LAMA2: variants seen among roughly 807,000 people sequenced by gnomAD.
The protein encoded by LAMA2 is laminin subunit alpha 2, also known as laminin subunit alpha-2.
A neutral mutation model predicts 364.8 loss-of-function variants in LAMA2; 269 were observed. The observed-to-expected ratio is 0.74, with a 90% CI of 0.67 to 0.82. The LOEUF (loss-of-function observed/expected upper bound fraction) is 0.82. LAMA2 is among the 40% of genes least tolerant of loss of function. The probability of loss-of-function intolerance (pLI) is 0.00; values close to 1 mark genes in which losing one functional copy is unlikely to be tolerated. For synonymous variants in LAMA2, 1,379 were observed against 1,370.6 expected, an observed-to-expected ratio of 1.01 and a Z score of -0.14; for missense variants, 3,807 against 3,873.2, an observed-to-expected ratio of 0.98 and a Z score of 0.45.
At chr6:128,913,416 A>G (rs1174143542) in intron 1 of LAMA2, among the ~76,000 whole-genome samples, 1 of 152,206 alleles carries the variant, frequency 6.6e-6, no homozygotes, top group Non-Finnish European at 1.5e-5. Context: ...GATCAGTTTC[A>G]CTAACTCCTC....
intron 4 of LAMA2, among the ~76,000 whole-genome samples, chr6:129,121,753 G>T (rs1380152011): frequency 1.3e-5 from 2 of 152,030 alleles, no homozygotes; most frequent in African/African-American, 4.8e-5. Context: ...GAAAAAGCTG[G>T]ATCTCAAAGA....
chr6:128,914,238 T>C (rs755241669), intron 1 of LAMA2, among the ~76,000 whole-genome samples: 27 of 152,324 alleles, frequency 1.8e-4, no homozygotes, highest in Middle Eastern at 3.4e-3. Flanking sequence ...TTCTGGGATG[T>C]CGTAACAATT....
At chr6:128,988,721 G>C (rs1260249227) in intron 1 of LAMA2, among the ~76,000 whole-genome samples, 1 of 152,076 alleles carries the variant, frequency 6.6e-6, no homozygotes, top group Non-Finnish European at 1.5e-5. Flanking sequence ...TTTATTTTCT[G>C]GGCTTGATGA....
intron 4 of LAMA2, among the ~76,000 whole-genome samples, chr6:129,102,261 T>C (rs1409878493): frequency 6.6e-6 from 1 of 151,694 alleles, no homozygotes; most frequent in Non-Finnish European, 1.5e-5. Flanking sequence ...CTCAGCCTCC[T>C]GAGTAGCTGG....
At chr6:129,156,886 A>G (rs1779146876) in intron 8 of LAMA2, among the ~76,000 whole-genome samples, 1 of 152,024 alleles carries the variant, frequency 6.6e-6, no homozygotes, top group Non-Finnish European at 1.5e-5. Context: ...CAGATATTGC[A>G]TTTTTAAAGC....
chr6:129,073,726 A>G (rs1773460390), intron 3 of LAMA2, among the ~76,000 whole-genome samples: 2 of 152,108 alleles, frequency 1.3e-5, no homozygotes, highest in African/African-American at 4.8e-5. Flanking sequence ...TCCATTTGAT[A>G]CTTTAAAAAA....
At chr6:129,073,599 TC>T (rs1773453366) in intron 3 of LAMA2, among the ~76,000 whole-genome samples, 1 of 152,236 alleles carries the variant, frequency 6.6e-6, no homozygotes, top group South Asian at 2.1e-4. Context: ...CTGTACATTT[TC>T]TGGGTGACCT....
At chr6:129,263,489 C>T (rs911026835) in intron 15 of LAMA2, among the ~76,000 whole-genome samples, 3 of 151,940 alleles carry the variant, frequency 2.0e-5, no homozygotes, top group South Asian at 4.1e-4. Flanking sequence ...AGAGGGACAA[C>T]GATGTAAAAC....
At position 129,103,613 on chromosome 6, in the gene LAMA2, C is replaced by CTA. The variant is rs201308510; in HGVS notation, c.639+5200_639+5201dup. 6.3e-3 allele frequency among the ~76,000 whole-genome samples: 952 copies of CTA among 152,136 alleles called. 9 individuals carry two copies. Among genetic ancestry groups the CTA allele is most frequent in the Middle Eastern group, 0.037 (11 of 294 alleles). ...GAGATATTTAGAGATATTTTATAGA[C>CTA]TATTATTCAGTTTGGGTTTGCCTGA... On this transcript the variant is annotated intron_variant, in intron 4 of 64. Coordinates refer to ENST00000421865, the MANE Select transcript of LAMA2 (RefSeq NM_000426.4).
chr6:129,169,147 C>A (rs1293072883), intron 9 of LAMA2, among the ~76,000 whole-genome samples: 10 of 150,868 alleles, frequency 6.6e-5, no homozygotes. Context: ...ATTGAATACC[C>A]TTTATTTCCT....
chr6:129,297,982 G>T, intron 21 of LAMA2, 117 bp downstream of exon 21: 1 of 703,758 alleles, frequency 1.4e-6, no homozygotes. Context: ...TTAACATAAT[G>T]AGTAATGTCT....
intron 58 of LAMA2, among the ~76,000 whole-genome samples, chr6:129,500,039 G>A (rs553607575): frequency 6.6e-6 from 1 of 152,006 alleles, no homozygotes; most frequent in East Asian, 1.9e-4. Context: ...AAAAACATGA[G>A]CCACCACGCC....
intron 1 of LAMA2, among the ~76,000 whole-genome samples, chr6:129,034,917 C>T (rs1786510839): frequency 6.6e-6 from 1 of 152,140 alleles, no homozygotes; most frequent in Non-Finnish European, 1.5e-5. Context: ...CATGACTTTG[C>T]TATTGTGAAT....
At chr6:128,910,129 C>A (rs1280193153) in intron 1 of LAMA2, among the ~76,000 whole-genome samples, 2 of 152,082 alleles carry the variant, frequency 1.3e-5, no homozygotes, top group African/African-American at 4.8e-5. Flanking sequence ...AGTTGCTTTT[C>A]TCGAGAAGTA....
intron 10 of LAMA2, among the ~76,000 whole-genome samples, chr6:129,183,931 C>A (rs895512544): frequency 2.6e-5 from 4 of 151,938 alleles, no homozygotes; most frequent in Middle Eastern, 6.8e-3. Context: ...ACTAAAATCT[C>A]GTGAAGCTTT....
intron 53 of LAMA2, among the ~76,000 whole-genome samples, chr6:129,477,350 C>T (rs190151803): frequency 2.8e-4 from 43 of 152,286 alleles, no homozygotes; most frequent in Admixed American, 2.3e-3. Flanking sequence ...TGGAATAGCA[C>T]TGTTATAATT....
chr6:129,502,155 A>C (rs953847310), intron 58 of LAMA2, among the ~76,000 whole-genome samples: 1 of 152,206 alleles, frequency 6.6e-6, no homozygotes, highest in Non-Finnish European at 1.5e-5. Context: ...GTTTAGATAC[A>C]CCATCTTGAA....
intron 17 of LAMA2, among the ~76,000 whole-genome samples, chr6:129,278,150 C>A (rs1788457283): frequency 6.6e-6 from 1 of 152,056 alleles, no homozygotes; most frequent in Non-Finnish European, 1.5e-5. Context: ...TTCAGTGAGC[C>A]AAGATTGCAC....
At chr6:129,045,562 A>G (rs907159481) in intron 1 of LAMA2, among the ~76,000 whole-genome samples, 2 of 152,242 alleles carry the variant, frequency 1.3e-5, no homozygotes, top group African/African-American at 4.8e-5. Context: ...TAAAATTTAT[A>G]CAATGGGTTA....
Sources: gnomAD v4.1 joint callset for allele counts (sites outside exome capture counted in the v4.1 genomes callset) on GRCh38, gnomAD v4.1.1 for gene constraint, MANE v1.5 for transcripts, NCBI Gene and HGNC (gene_info 2026-07-23, HGNC 2026-07-21) for gene names.